The following RP1 variants were observed in gnomAD, a reference collection of about 807,000 sequenced individuals.
The protein encoded by RP1 is oxygen-regulated protein 1.
A neutral mutation model predicts 14.8 loss-of-function variants in RP1; 16 were observed. The observed-to-expected ratio is 1.08, with a 90% CI of 0.73 to 1.65. The LOEUF is 1.65. Ranked by LOEUF, RP1 falls within the 40% of genes most tolerant of loss-of-function variation. The pLI, the probability that RP1 is intolerant of heterozygous loss-of-function variation, is 0.00. For missense variants in RP1, 2,631 were observed against 2,535.0 expected, an observed-to-expected ratio of 1.04 and a Z score of -0.81; for synonymous variants, 876 against 883.6, an observed-to-expected ratio of 0.99 and a Z score of 0.15.
At chr8:54,842,730 C>A (rs1175362962) in intron 25 of RP1, among the ~76,000 whole-genome samples, 1 of 152,194 alleles carries the variant, frequency 6.6e-6, no homozygotes, top group Non-Finnish European at 1.5e-5. Context: ...TTCTAACTTA[C>A]TAAGAGTAAC....
chr8:54,706,273 T>C (rs1808147799), intron 14 of RP1, among the ~76,000 whole-genome samples: 1 of 152,210 alleles, frequency 6.6e-6, no homozygotes, highest in Non-Finnish European at 1.5e-5. Flanking sequence ...AACCTCCTTT[T>C]GTTTACTTTT....
intron 24 of RP1, among the ~76,000 whole-genome samples, chr8:54,826,721 A>G: frequency 6.6e-6 from 1 of 152,262 alleles, no homozygotes; most frequent in East Asian, 1.9e-4. Flanking sequence ...AAATATTTAC[A>G]AAAAAGACCA....
At chr8:54,592,351 C>G (rs1031666499) in intron 1 of RP1, among the ~76,000 whole-genome samples, 2 of 152,098 alleles carry the variant, frequency 1.3e-5, no homozygotes, top group Admixed American at 6.6e-5. Context: ...GATGACTGTG[C>G]CAGGTTGGTA....
At chr8:54,785,294 C>T (rs1036668342) in intron 24 of RP1, among the ~76,000 whole-genome samples, 2 of 152,030 alleles carry the variant, frequency 1.3e-5, no homozygotes, top group African/African-American at 2.4e-5. Flanking sequence ...ACTTGTTTTA[C>T]GTAGCATAAA....
Position 54,768,095 on chromosome 8 carries a change from C to T in RP1, c.3249-1646C>T, listed in dbSNP as rs10104919. On this transcript the variant is annotated intron_variant, in intron 22 of 22. Coordinates refer to the RP1 transcript ENST00000636932. Reference sequence around the variant, plus strand: ...TCCTTGAGTAACCCACACACAACCCCTGCCGCTACCCCATCTTGTCCAGCA... The same window carrying T: ...TCCTTGAGTAACCCACACACAACCCTTGCCGCTACCCCATCTTGTCCAGCA... Among the ~76,000 whole-genome samples the T allele has an allele frequency of 5.5e-3, 834 of 152,318 alleles. 3 individuals carry two copies. The highest frequency in any genetic ancestry group is 9.0e-3 in the Non-Finnish European group (612 of 68,030).
intron 18 of RP1, among the ~76,000 whole-genome samples, chr8:54,735,728 T>C (rs992766031): frequency 6.6e-6 from 1 of 152,214 alleles, no homozygotes; most frequent in African/African-American, 2.4e-5. Flanking sequence ...CCATACCTTA[T>C]ACAAATACAT....
At chr8:54,721,532 AT>A (rs1397606871) in intron 16 of RP1, among the ~76,000 whole-genome samples, 3 of 152,262 alleles carry the variant, frequency 2.0e-5, no homozygotes, top group African/African-American at 7.2e-5. Context: ...AGAAAAAGAA[AT>A]GAGAAGAAGA....
chr8:54,729,424 C>T (rs1025055694), intron 17 of RP1, among the ~76,000 whole-genome samples: 3 of 151,900 alleles, frequency 2.0e-5, no homozygotes, highest in African/African-American at 7.3e-5. Flanking sequence ...AACAAATAAA[C>T]CTGGGCAGAA....
chr8:54,779,141 G>C (rs946249152), intron 23 of RP1, among the ~76,000 whole-genome samples: 3 of 152,088 alleles, frequency 2.0e-5, no homozygotes, highest in Non-Finnish European at 2.9e-5. Context: ...CAGGGCTCTT[G>C]GTCTTTTTAG....
rs182838637 is a variant in RP1 at position 54,697,872 on chromosome 8, C to T, written c.1718-1595C>T. 4.2e-3 allele frequency among the ~76,000 whole-genome samples: 644 copies of T among 152,292 alleles called. 2 individuals carry two copies. Among genetic ancestry groups the T allele is most frequent in the Non-Finnish European group, 6.0e-3 (406 of 68,034 alleles). ...GCCGAAACTGGATCCCTTCATTACA[C>T]CTTATACAAAAATTAACTCAAGATG... On this transcript the variant is annotated intron_variant, in intron 12 of 22. Coordinates refer to the RP1 transcript ENST00000636932.
chr8:54,844,209 GC>G (rs2129405651), intron 25 of RP1, among the ~76,000 whole-genome samples: 3 of 152,272 alleles, frequency 2.0e-5, no homozygotes, highest in African/African-American at 7.2e-5. Context: ...AGCCCGGGTG[GC>G]CCAAAGAACC....
intron 14 of RP1, among the ~76,000 whole-genome samples, chr8:54,704,604 T>C (rs1808104821): frequency 6.6e-6 from 1 of 152,240 alleles, no homozygotes; most frequent in Non-Finnish European, 1.5e-5. Context: ...TTGCTTGATG[T>C]AGGGTTCTCA....
chr8:54,586,028 C>T (rs1217526705), intron 1 of RP1, among the ~76,000 whole-genome samples: 6 of 152,204 alleles, frequency 3.9e-5, no homozygotes, highest in Admixed American at 1.3e-4. Context: ...AGCTTTGTTC[C>T]GTTGCAGGTG....
At chr8:54,689,780 G>A (rs1054986830) in intron 12 of RP1, among the ~76,000 whole-genome samples, 3 of 151,936 alleles carry the variant, frequency 2.0e-5, no homozygotes, top group Non-Finnish European at 1.5e-5. Flanking sequence ...ACTTTTGTTT[G>A]TGACATAGTT....
intron 23 of RP1, among the ~76,000 whole-genome samples, chr8:54,778,366 C>G (rs965367546): frequency 6.7e-6 from 1 of 150,134 alleles, no homozygotes; most frequent in African/African-American, 2.5e-5. Context: ...ACTCTGTTGC[C>G]CAGGCTGGAG....
intron 26 of RP1, among the ~76,000 whole-genome samples, chr8:54,853,999 AAAG>A (rs1468890728): frequency 1.3e-5 from 2 of 152,048 alleles, no homozygotes; most frequent in South Asian, 2.1e-4. Context: ...GAAAGAAAGA[AAAG>A]AAAAGAAATG....
chr8:54,620,775 T>C (rs112764587), intron 1 of RP1, among the ~76,000 whole-genome samples, 180 bp from the exon 2 acceptor site: 1 of 152,228 alleles, frequency 6.6e-6, no homozygotes, highest in African/African-American at 2.4e-5. Flanking sequence ...TTATCTCTTT[T>C]ATTATAAGTT....
At chr8:54,849,100 G>A (rs1192750940) in intron 25 of RP1, among the ~76,000 whole-genome samples, 1 of 152,080 alleles carries the variant, frequency 6.6e-6, no homozygotes, top group Non-Finnish European at 1.5e-5. Context: ...TCTCAGACCA[G>A]TGACACTAAG....
intron 28 of RP1, chr8:54,869,714 T>G: frequency 2.4e-6 from 1 of 411,450 alleles, no homozygotes; most frequent in Non-Finnish European, 4.2e-6. Context: ...TCTTAAATCC[T>G]TTTTTAAAAT....
Sources: gnomAD v4.1 joint callset for allele counts (sites outside exome capture counted in the v4.1 genomes callset) on GRCh38, gnomAD v4.1.1 for gene constraint, MANE v1.5 for transcripts, NCBI Gene and HGNC (gene_info 2026-07-23, HGNC 2026-07-21) for gene names.